ABCG2: variants seen among roughly 807,000 people sequenced by gnomAD.
The protein encoded by ABCG2 is broad substrate specificity ATP-binding cassette transporter ABCG2.
In ABCG2, 80 loss-of-function variants were observed where a neutral mutation model predicts 73.5. That is an observed-to-expected ratio of 1.09 (90% confidence interval 0.91 to 1.31). The LOEUF (loss-of-function observed/expected upper bound fraction) is 1.31, where lower values mean the gene tolerates loss of function less well. Ranked by LOEUF, ABCG2 falls within the 50% of genes most tolerant of loss-of-function variation. The pLI is 0.00. For synonymous variants in ABCG2, 269 were observed against 282.4 expected (o/e 0.95, Z 0.48); for missense variants, 796 against 786.2 (o/e 1.01, Z -0.15).
At chr4:88,154,935 C>T (rs1260110922) in intron 1 of ABCG2, among the ~76,000 whole-genome samples, 1 of 152,136 alleles carries the variant, frequency 6.6e-6, no homozygotes, top group East Asian at 1.9e-4. Context: ...GATGGCTAGG[C>T]TAAAACAGTA....
At chr4:88,146,829 C>T (rs1726037261) in intron 1 of ABCG2, among the ~76,000 whole-genome samples, 1 of 150,546 alleles carries the variant, frequency 6.6e-6, no homozygotes, top group South Asian at 2.1e-4. Context: ...CGTGATTGTG[C>T]CACTGGAATC....
At chr4:88,115,648 G>GA (rs1723524940) in intron 7 of ABCG2, among the ~76,000 whole-genome samples, 1 of 144,486 alleles carries the variant, frequency 6.9e-6, no homozygotes, top group Non-Finnish European at 1.5e-5. Context: ...AGAAAGAAAA[G>GA]AAAACACTCC....
chr4:88,128,541 A>G (rs987341897), intron 5 of ABCG2, among the ~76,000 whole-genome samples: 6 of 152,210 alleles, frequency 3.9e-5, no homozygotes, highest in Admixed American at 6.5e-5. Context: ...ATAATGATAG[A>G]CTGAATAAAG....
chr4:88,171,274 T>TA (rs11331423), intron 1 of ABCG2, among the ~76,000 whole-genome samples: 65,666 of 128,958 alleles, frequency 0.51, 16,357 homozygotes, highest in African/African-American at 0.59. Flanking sequence ...AAGTAAAAGT[T>TA]AAAAAAAAAA....
intron 1 of ABCG2, among the ~76,000 whole-genome samples, chr4:88,202,567 C>A (rs1487938150): frequency 6.6e-6 from 1 of 151,280 alleles, no homozygotes; most frequent in African/African-American, 2.4e-5. Flanking sequence ...GGTCTCTCAC[C>A]TCACAGATTG....
intron 2 of ABCG2, among the ~76,000 whole-genome samples, chr4:88,136,343 A>G (rs1725242669): frequency 6.6e-6 from 1 of 152,144 alleles, no homozygotes; most frequent in Non-Finnish European, 1.5e-5. Flanking sequence ...CATTTTAAAC[A>G]CCTAGATTTT....
intron 13 of ABCG2, among the ~76,000 whole-genome samples, chr4:88,095,885 A>C (rs1228382688): frequency 6.6e-6 from 1 of 152,208 alleles, no homozygotes; most frequent in Non-Finnish European, 1.5e-5. Flanking sequence ...CTCAATTGTC[A>C]AGACTATGTA....
chr4:88,190,943 G>C (rs1307895007), intron 1 of ABCG2, among the ~76,000 whole-genome samples: 1 of 151,766 alleles, frequency 6.6e-6, no homozygotes, highest in Non-Finnish European at 1.5e-5. Context: ...AGTTTAAAAA[G>C]GGGCAAAAAT....
intron 1 of ABCG2, among the ~76,000 whole-genome samples, chr4:88,214,545 G>A (rs1729734294): frequency 6.6e-6 from 1 of 152,072 alleles, no homozygotes; most frequent in Admixed American, 6.6e-5. Context: ...GTCTTCTCTA[G>A]GAGAAGACAG....
chr4:88,166,794 T>C (rs946232788), intron 1 of ABCG2, among the ~76,000 whole-genome samples: 2 of 152,108 alleles, frequency 1.3e-5, no homozygotes, highest in African/African-American at 4.8e-5. Flanking sequence ...TTCATCATCA[T>C]AGGAAAGCGA....
upstream of ABCG2, chr4:88,158,811 C>A (rs1727141434): frequency 3.0e-6 from 1 of 336,608 alleles, no homozygotes; most frequent in South Asian, 2.2e-5. Flanking sequence ...GGCGGGTGGC[C>A]GCCTGGGGAG....
chr4:88,121,617 T>C lies in ABCG2; in HGVS notation c.689+18A>G. 1.2e-6 allele frequency: 2 copies of C among 1,611,044 alleles called. No individual in the cohort carries two copies. The highest frequency in any genetic ancestry group is 1.7e-6 in the Non-Finnish European group (2 of 1,178,580). On this transcript the variant is annotated intron_variant, in intron 6 of 15. Coordinates refer to ENST00000237612, the MANE Select transcript of ABCG2 (RefSeq NM_004827.3). ...TGATAAGATATTAACTAAAGAATAATGTTTCCAGAGCATTTACCTTTTCAG... is the reference window on the plus strand; with the variant it reads ...TGATAAGATATTAACTAAAGAATAACGTTTCCAGAGCATTTACCTTTTCAG...
At position 88,217,974 on chromosome 4, in the gene ABCG2, A is replaced by T. The variant is rs1729876338; in HGVS notation, c.-20+13020T>A. Among the ~76,000 whole-genome samples, 3 of 682 alleles carry T rather than the reference A, an allele frequency of 4.4e-3. No homozygotes were observed. In the Admixed American group the frequency reaches 0.058, roughly 13 times the overall value. 0.4% of individuals were successfully genotyped at this position (682 alleles called of 152,430 possible). On this transcript the variant is annotated intron_variant, in intron 1 of 15. Coordinates refer to the ABCG2 transcript ENST00000515655. ...GAGTAAGACGATGTTTCTAAAAATT[A>T]AAAAAAAAAAAAAAAAAAGGAACAC...
At chr4:88,096,577 G>C (rs1721998150) in intron 13 of ABCG2, among the ~76,000 whole-genome samples, 1 of 152,148 alleles carries the variant, frequency 6.6e-6, no homozygotes, top group Non-Finnish European at 1.5e-5. Flanking sequence ...ACTATGGCAA[G>C]AGTTTGTGCT....
chr4:88,187,984 T>C (rs769574698), intron 1 of ABCG2, among the ~76,000 whole-genome samples: 11 of 152,218 alleles, frequency 7.2e-5, no homozygotes, highest in Non-Finnish European at 1.6e-4. Context: ...GCTATTGGCA[T>C]GTGTGGTCAT....
At chr4:88,220,027 T>C (rs1345921136) in intron 1 of ABCG2, among the ~76,000 whole-genome samples, 3 of 152,284 alleles carry the variant, frequency 2.0e-5, no homozygotes, top group South Asian at 2.1e-4. Flanking sequence ...GTGGCAACCA[T>C]TCTACTTTCT....
intron 7 of ABCG2, 117 bp from the exon 8 acceptor site, chr4:88,115,175 T>A: frequency 1.7e-6 from 1 of 599,760 alleles, no homozygotes; most frequent in South Asian, 2.4e-5. Context: ...TGACTTTTCC[T>A]TAACTTTCTT....
At chr4:88,189,554 T>C (rs1330526632) in intron 1 of ABCG2, among the ~76,000 whole-genome samples, 3 of 149,624 alleles carry the variant, frequency 2.0e-5, no homozygotes, top group Non-Finnish European at 1.5e-5. Flanking sequence ...AATAAATAAA[T>C]AAGAAATAAA....
Position 88,131,970 on chromosome 4 carries a change from T to C in ABCG2, c.264-53A>G, listed in dbSNP as rs1724924348. ...CTAATAACCTATAAGAGAATATATA[T>C]GTTGTGGGGTTTTTTTCCCTCCAAC... On this transcript the variant is annotated intron_variant, in intron 3 of 15. Transcript: ENST00000237612. 8.8e-6 allele frequency: 12 copies of C among 1,367,856 alleles called. No individual in the cohort carries two copies. The South Asian group carries it at 1.4e-4, about 16-fold the overall frequency. The allele number at this position is 1,367,856 out of a possible 1,614,324, so 84.7% of individuals were successfully genotyped here. A position where few individuals can be genotyped will look rare whatever the true frequency, so the allele number is the denominator to read the frequency against.
Sources: gnomAD v4.1 joint callset for allele counts (sites outside exome capture counted in the v4.1 genomes callset) on GRCh38, gnomAD v4.1.1 for gene constraint, MANE v1.5 for transcripts, NCBI Gene and HGNC (gene_info 2026-07-23, HGNC 2026-07-21) for gene names.